The following COL19A1 variants were observed in gnomAD, a reference collection of about 807,000 sequenced individuals.
The protein encoded by COL19A1 is collagen alpha-1(XIX) chain.
A neutral mutation model predicts 190.2 loss-of-function variants in COL19A1; 159 were observed. The ratio of observed to expected loss-of-function variants is 0.84; its 90% CI spans 0.73 to 0.95. The LOEUF (loss-of-function observed/expected upper bound fraction) is 0.95, where lower values mean the gene tolerates loss of function less well. Among genes scored for constraint, COL19A1 ranks in the 40% least tolerant of loss-of-function variants. COL19A1 has a pLI of 0.00. For synonymous variants in COL19A1, 509 were observed against 458.9 expected (o/e 1.11, Z -1.39); for missense variants, 1,418 against 1,431.9 (o/e 0.99, Z 0.16).
At position 69,921,420 on chromosome 6, in the gene COL19A1, T is replaced by TATATATCATATATATCATATATC. The variant is rs1771848330; in HGVS notation, c.267-6467_267-6466insCATATATCATATATATCATATAT. Among the ~76,000 whole-genome samples, 2 of 115,454 alleles carry TATATATCATATATATCATATATC rather than the reference T, an allele frequency of 1.7e-5. 1 individual carries two copies. The highest frequency in any genetic ancestry group is 8.2e-5 in the African/African-American group (2 of 24,418). 75.7% of individuals were successfully genotyped at this position (115,454 alleles called of 152,430 possible). A position where few individuals can be genotyped will look rare whatever the true frequency, so the allele number is the denominator to read the frequency against. On this transcript the variant is annotated intron_variant, in intron 4 of 50. Coordinates refer to ENST00000620364, the MANE Select transcript of COL19A1 (RefSeq NM_001858.6). ...CATATATCATATATATCATATATCA[T>TATATATCATATATATCATATATC]ATATATCATATATATCATATATATC...
chr6:69,908,165 A>T (rs1027109300), intron 4 of COL19A1, among the ~76,000 whole-genome samples: 3 of 152,212 alleles, frequency 2.0e-5, no homozygotes, highest in Non-Finnish European at 4.4e-5. Flanking sequence ...TTCTCCTTTG[A>T]GTCCTCTCCA....
intron 2 of COL19A1, among the ~76,000 whole-genome samples, chr6:69,897,439 A>G (rs1214701052): frequency 6.7e-6 from 1 of 148,630 alleles, no homozygotes; most frequent in Admixed American, 6.9e-5. Context: ...TGTAAATTTG[A>G]GAATCAGCTT....
chr6:69,942,109 T>C (rs1043649486), intron 9 of COL19A1, among the ~76,000 whole-genome samples: 5 of 152,202 alleles, frequency 3.3e-5, no homozygotes, highest in Admixed American at 1.3e-4. Flanking sequence ...TATTAGTCTT[T>C]TGGTGCATTT....
chr6:70,208,758 A>C lies in COL19A1; in HGVS notation c.*1484A>C, dbSNP rs1768031261. On this transcript the variant is annotated 3_prime_UTR_variant, in exon 51 of 51. Coordinates refer to ENST00000620364, the MANE Select transcript of COL19A1 (RefSeq NM_001858.6). ...GCTTTTGTCTGTTTACTGAAAAATG[A>C]GTTTAGAAAGGCTAGCCCACTGACA... 1 of 152,622 alleles carries C rather than the reference A, an allele frequency of 6.6e-6. No homozygotes were observed. Among genetic ancestry groups the C allele is most frequent in the East Asian group, 1.9e-4 (1 of 5,200 alleles). The allele number at this position is 152,622 out of a possible 1,614,324, so 9.5% of individuals were successfully genotyped here.
At chr6:70,123,158 G>C (rs1401201738) in intron 17 of COL19A1, among the ~76,000 whole-genome samples, 1 of 152,090 alleles carries the variant, frequency 6.6e-6, no homozygotes, top group African/African-American at 2.4e-5. Flanking sequence ...GACATGAACA[G>C]ACACTTCTCA....
intron 48 of COL19A1, among the ~76,000 whole-genome samples, chr6:70,192,690 GA>G (rs1359592178): frequency 6.6e-6 from 1 of 152,156 alleles, no homozygotes; most frequent in Non-Finnish European, 1.5e-5. Flanking sequence ...AGTGCACAGT[GA>G]AAATGCTGGC....
intron 49 of COL19A1, among the ~76,000 whole-genome samples, chr6:70,200,453 T>A (rs1767479932): frequency 6.6e-6 from 1 of 152,112 alleles, no homozygotes; most frequent in South Asian, 2.1e-4. Flanking sequence ...AGTCAACAAC[T>A]CTGAAAGGGA....
intron 11 of COL19A1, among the ~76,000 whole-genome samples, chr6:69,987,292 T>A (rs1445237050): frequency 6.6e-6 from 1 of 152,196 alleles, no homozygotes; most frequent in Admixed American, 6.6e-5. Context: ...TTATAAAAAA[T>A]GGAATTTTAT....
chr6:70,202,315 T>C lies in COL19A1; in HGVS notation c.3223+2579T>C, dbSNP rs976727981. On this transcript the variant is annotated intron_variant, in intron 49 of 50. Coordinates refer to ENST00000620364, the MANE Select transcript of COL19A1 (RefSeq NM_001858.6). ...ATCCATTTGGTTCTGAAATACATTT[T>C]TAAGAAATTTTAGAACCTTTCTGCT... Among the ~76,000 whole-genome samples, 4 of 152,330 alleles carry C rather than the reference T, an allele frequency of 2.6e-5. No homozygotes were observed. The East Asian group carries it at 7.7e-4, about 29-fold the overall frequency.
chr6:70,166,100 G>C (rs542598857), intron 37 of COL19A1, 115 bp downstream of exon 37: 5 of 941,358 alleles, frequency 5.3e-6, no homozygotes, highest in Non-Finnish European at 8.6e-6. Flanking sequence ...TGAATTTCGT[G>C]TATAAATATA....
At chr6:70,118,101 C>A (rs1359372955) in intron 16 of COL19A1, among the ~76,000 whole-genome samples, 1 of 152,188 alleles carries the variant, frequency 6.6e-6, no homozygotes, top group Admixed American at 6.5e-5. Context: ...TACCACAAGT[C>A]TTTAACTTCT....
chr6:70,064,101 G>A (rs958744286), intron 14 of COL19A1, among the ~76,000 whole-genome samples: 1 of 152,152 alleles, frequency 6.6e-6, no homozygotes, highest in African/African-American at 2.4e-5. Flanking sequence ...AATAGAAAAA[G>A]AGAGAATCCT....
chr6:70,189,002 T>C lies in COL19A1; in HGVS notation c.3027+757T>C, dbSNP rs536613749. ...CCTGAAACTCTACTTGAATAAAGCC[T>C]GTGTAACTTCACTCTTGGGGTTGTG... On this transcript the variant is annotated intron_variant, in intron 47 of 50. Coordinates refer to ENST00000620364, the MANE Select transcript of COL19A1 (RefSeq NM_001858.6). Among the ~76,000 whole-genome samples the C allele has an allele frequency of 3.9e-5, 6 of 152,358 alleles. No individual in the cohort carries two copies. The East Asian group carries it at 1.2e-3, about 29-fold the overall frequency.
At chr6:70,167,453 A>T (rs1765231749) in intron 37 of COL19A1, among the ~76,000 whole-genome samples, 1 of 152,066 alleles carries the variant, frequency 6.6e-6, no homozygotes, top group Non-Finnish European at 1.5e-5. Context: ...GGACATGTCA[A>T]TTTTTTTCAA....
At chr6:70,110,069 C>A (rs1332689023) in intron 16 of COL19A1, among the ~76,000 whole-genome samples, 1 of 152,156 alleles carries the variant, frequency 6.6e-6, no homozygotes. Context: ...CAGCATATAG[C>A]AGGACCCACC....
At position 70,168,073 on chromosome 6, in the gene COL19A1, A is replaced by G; in HGVS notation, c.2494A>G (p.Lys832Glu). The change falls in exon 38 of 51, where the codon AAG (lysine) becomes GAG (glutamate). Residue 832 changes from lysine to glutamate, a missense_variant and splice_region_variant. Lys to Glu is a moderately conservative substitution (Grantham distance 56, BLOSUM62 1). Coordinates refer to ENST00000620364, the MANE Select transcript of COL19A1 (RefSeq NM_001858.6). ...RNGMSSLYKIKGGVNVPSYPG... is the reference protein window; with the variant it reads ...RNGMSSLYKIEGGVNVPSYPG... Reference sequence around the variant, plus strand: ...CGGCATGAGCAGTTTATATAAAATTAAGGTATTTATATTTGTAATTATTTA... The same window carrying G: ...CGGCATGAGCAGTTTATATAAAATTGAGGTATTTATATTTGTAATTATTTA... 1 of 1,588,756 alleles carries G rather than the reference A, an allele frequency of 6.3e-7. No individual in the cohort carries two copies. Among genetic ancestry groups the G allele is most frequent in the Non-Finnish European group, 8.6e-7 (1 of 1,162,340 alleles).
chr6:69,998,933 A>G (rs73484256), intron 11 of COL19A1, among the ~76,000 whole-genome samples: 32,143 of 151,800 alleles, frequency 0.21, 5,600 homozygotes, highest in African/African-American at 0.47. Flanking sequence ...AACATGCATA[A>G]CATTAATTAG....
At chr6:69,887,246 G>A (rs1005782591) in intron 2 of COL19A1, among the ~76,000 whole-genome samples, 7 of 151,762 alleles carry the variant, frequency 4.6e-5, no homozygotes, top group African/African-American at 1.7e-4. Flanking sequence ...CACCTACTGG[G>A]GCTTCCCTAC....
At chr6:70,173,607 G>A (rs1004649830) in intron 41 of COL19A1, among the ~76,000 whole-genome samples, 1 of 152,190 alleles carries the variant, frequency 6.6e-6, no homozygotes, top group Non-Finnish European at 1.5e-5. Context: ...ATTTAGCAAT[G>A]TAGAGGTCAT....
Sources: gnomAD v4.1 joint callset for allele counts (sites outside exome capture counted in the v4.1 genomes callset) on GRCh38, gnomAD v4.1.1 for gene constraint, MANE v1.5 for transcripts, NCBI Gene and HGNC (gene_info 2026-07-23, HGNC 2026-07-21) for gene names.